Variants in TNNT3 observed in about 807,000 individuals in gnomAD.
TNNT3 encodes troponin T3, fast skeletal type.
Under a neutral mutation model 54.2 loss-of-function variants are expected in TNNT3, and 36 were observed. That is an observed-to-expected ratio of 0.66 (90% CI 0.51 to 0.88). The LOEUF (loss-of-function observed/expected upper bound fraction) is 0.88, where lower values mean the gene tolerates loss of function less well. TNNT3 is among the 40% of genes least tolerant of loss of function. The pLI is 0.00. For synonymous variants in TNNT3, 120 were observed against 109.7 expected, an observed-to-expected ratio of 1.09 and a Z score of -0.59; for missense variants, 291 against 331.6, an observed-to-expected ratio of 0.88 and a Z score of 0.95.
At chr11:1,933,625 TG>T in intron 9 of TNNT3, 95 bp from the exon 10 acceptor site, 2 of 948,910 alleles carry the variant, frequency 2.1e-6, no homozygotes, top group Non-Finnish European at 1.7e-6. Context: ...GCTTCTCTGC[TG>T]GGGCAAAGGA....
intron 5 of TNNT3, chr11:1,926,452 C>T: frequency 1.2e-6 from 2 of 1,613,240 alleles, no homozygotes; most frequent in East Asian, 2.2e-5. Flanking sequence ...TGTTCCGTGG[C>T]CTCCTTGGCC....
intron 1 of TNNT3, among the ~76,000 whole-genome samples, chr11:1,920,557 G>A (rs1849876149): frequency 6.6e-6 from 1 of 151,132 alleles, no homozygotes; most frequent in African/African-American, 2.4e-5. Flanking sequence ...GTCCACGGAG[G>A]GACATGGGGC....
intron 5 of TNNT3, chr11:1,925,398 C>T (rs879306660): frequency 6.8e-6 from 8 of 1,168,358 alleles, no homozygotes; most frequent in Non-Finnish European, 1.0e-5. Context: ...GCCAAGGGGC[C>T]CCCACATGTG....
At chr11:1,923,622 A>AC (rs751384508) in intron 4 of TNNT3, 50 bp downstream of exon 4, 1 of 1,213,540 alleles carries the variant, frequency 8.2e-7, no homozygotes, top group Non-Finnish European at 1.1e-6. Flanking sequence ...TTGGAACTTA[A>AC]CCCCCCTCTC....
In TNNT3 at chr11:1,934,595, A is replaced by T. The variant is rs889645401; in HGVS notation, c.530A>T (p.Lys177Met). 3.1e-6 allele frequency: 5 copies of T among 1,610,128 alleles called. No homozygotes were observed. Among genetic ancestry groups the T allele is most frequent in the Admixed American group, 1.7e-5 (1 of 59,588 alleles). Residue 177 changes from lysine (K) to methionine (M), a missense_variant, in exon 13 of 16, where the codon AAG becomes ATG. Transcript: ENST00000278317. ...CAGACAGCCCGGGAAATGAAGAAGA[A>T]GATTCTGGCTGAGAGACGCAAGCCG... ...KKQTAREMKKKILAERRKPLN... is the reference protein window; with the variant it reads ...KKQTAREMKKMILAERRKPLN...
At chr11:1,931,742 A>T (rs1589966885) in intron 8 of TNNT3, among the ~76,000 whole-genome samples, 1 of 120,350 alleles carries the variant, frequency 8.3e-6, no homozygotes, top group Non-Finnish European at 1.7e-5. Context: ...TTTTTCACAT[A>T]CATACGTTTT....
rs898031091 is a variant in TNNT3 at position 1,933,953 on chromosome 11, C to T, written c.311C>T (p.Ala104Val). 8 of 1,612,598 alleles carry T rather than the reference C, an allele frequency of 5.0e-6. No individual in the cohort carries two copies. The highest frequency in any genetic ancestry group is 1.1e-5 in the South Asian group (1 of 91,088). Reference sequence around the variant, plus strand: ...CAGGAGAAGCGCCGTGCAGAGAGAGCGGAGCAGCAGAGGATTCGTGCAGAG... The same window carrying T: ...CAGGAGAAGCGCCGTGCAGAGAGAGTGGAGCAGCAGAGGATTCGTGCAGAG... ...ERIEKRRAER[A>V]EQQRIRAEKE... The change falls in exon 11 of 16, where the codon GCG becomes GTG. Residue 104 changes from alanine to valine, a missense_variant. By Grantham distance (64) the Ala-to-Val change is moderately conservative (BLOSUM62 0). Transcript: ENST00000278317.
intron 14 of TNNT3, chr11:1,936,250 A>C (rs1564834224): frequency 6.2e-7 from 1 of 1,613,814 alleles, no homozygotes. Flanking sequence ...GATGCTGGCC[A>C]AGTTGTAAGT....
At chr11:1,923,683 A>T in intron 4 of TNNT3, 111 bp downstream of exon 4, 1 of 742,238 alleles carries the variant, frequency 1.3e-6, no homozygotes, top group Non-Finnish European at 2.4e-6. Flanking sequence ...GGCCGCCTTG[A>T]GCTTGTCAAT....
chr11:1,934,246 T>C, intron 11 of TNNT3, 86 bp from the exon 12 acceptor site: 2 of 1,301,468 alleles, frequency 1.5e-6, no homozygotes, highest in Non-Finnish European at 1.1e-6. Context: ...CAGACAGCTC[T>C]AAGCCCAGGG....
intron 11 of TNNT3, 89 bp from the exon 12 acceptor site, chr11:1,934,243 C>A: frequency 7.9e-7 from 1 of 1,268,796 alleles, no homozygotes; most frequent in Non-Finnish European, 1.1e-6. Context: ...TTCCAGACAG[C>A]TCTAAGCCCA....
rs930844655 is a variant in TNNT3, at chr11:1,923,684, G to A, written c.49+112G>A. 9 of 768,312 alleles carry A rather than the reference G, an allele frequency of 1.2e-5. No individual in the cohort carries two copies. In the African/African-American group the frequency reaches 1.4e-4, roughly 12 times the overall value. 47.6% of individuals were successfully genotyped at this position (768,312 alleles called of 1,614,324 possible). On this transcript the variant is annotated intron_variant, in intron 4 of 15. Coordinates refer to ENST00000278317, the MANE Select transcript of TNNT3 (RefSeq NM_006757.4). The stretch of plus-strand genomic sequence containing the variant: ...CCCAGGCTGCTCCAGGCCGCCTTGA[G>A]CTTGTCAATCAACCTTCCATCTTCC...
rs1305192023 is a variant in TNNT3, at chr11:1,938,657, G to A, written c.*165G>A. 2 of 736,220 alleles carry A rather than the reference G, an allele frequency of 2.7e-6. No homozygotes were observed. The highest frequency in any genetic ancestry group is 3.0e-5 in the South Asian group (2 of 67,474). 45.6% of individuals were successfully genotyped at this position (736,220 alleles called of 1,614,324 possible). A position where few individuals can be genotyped will look rare whatever the true frequency, so the allele number is the denominator to read the frequency against. On this transcript the variant is annotated 3_prime_UTR_variant, in exon 16 of 16. Transcript: ENST00000278317. ...GGGCGTCCCCCGCGTCTGTGTCCTT[G>A]CTGCCTTCATCCCCTGGGGCCTGTG...
intron 14 of TNNT3, 115 bp downstream of exon 14, chr11:1,935,034 C>A: frequency 1.0e-6 from 1 of 992,162 alleles, no homozygotes; most frequent in Admixed American, 1.8e-5. Flanking sequence ...GGACCTGGAC[C>A]CTGAGAGGCC....
At chr11:1,926,426 C>G (rs369176061) in intron 5 of TNNT3, 82 of 1,612,924 alleles carry the variant, frequency 5.1e-5, no homozygotes, top group Non-Finnish European at 6.5e-5. Flanking sequence ...GACCTCTGAC[C>G]CGCGGTTTTG....
intron 14 of TNNT3, chr11:1,935,673 G>C: frequency 5.6e-6 from 1 of 178,338 alleles, no homozygotes; most frequent in South Asian, 1.3e-4. Context: ...CGTGCTCGGG[G>C]CAAATGCAGA....
At chr11:1,922,625 G>A (rs1306124614) in intron 1 of TNNT3, among the ~76,000 whole-genome samples, 1 of 152,178 alleles carries the variant, frequency 6.6e-6, no homozygotes, top group Non-Finnish European at 1.5e-5. Context: ...TGGAGCCAGG[G>A]CAGGAAGAGG....
intron 15 of TNNT3, 26 bp downstream of exon 15, chr11:1,937,029 C>T (rs371785227): frequency 2.5e-5 from 39 of 1,576,842 alleles, no homozygotes; most frequent in African/African-American, 2.4e-4. Context: ...GTCCTCGCTC[C>T]GCACTGGGCA....
chr11:1,929,095 G>A (rs375361795), intron 6 of TNNT3, 25 bp from the exon 7 acceptor site: 1 of 1,613,302 alleles, frequency 6.2e-7, no homozygotes, highest in African/African-American at 1.3e-5. Flanking sequence ...TTGCATGTGT[G>A]CTTGTGCCTT....
Sources: allele counts gnomAD v4.1 joint callset (sites outside exome capture counted in the v4.1 genomes callset), GRCh38; gene constraint gnomAD v4.1.1; transcripts MANE v1.5; gene names NCBI Gene and HGNC (gene_info 2026-07-23, HGNC 2026-07-21).